PRKAR2B: variants seen among roughly 807,000 people sequenced by gnomAD.
PRKAR2B encodes the protein protein kinase cAMP-dependent type II regulatory subunit beta, also known as cAMP-dependent protein kinase type II-beta regulatory subunit.
Under a neutral mutation model 49.9 loss-of-function variants are expected in PRKAR2B, and 14 were observed. The observed-to-expected ratio is 0.28, with a 90% CI of 0.19 to 0.44. The LOEUF (loss-of-function observed/expected upper bound fraction) is 0.44. Ranked by LOEUF, PRKAR2B falls within the 20% of genes least tolerant of loss-of-function variation. PRKAR2B has a pLI of 1.00. For synonymous variants in PRKAR2B, 196 were observed against 197.7 expected (o/e 0.99, Z 0.07); for missense variants, 393 against 537.9 (o/e 0.73, Z 2.67).
chr7:107,138,199 T>C (rs1795732284), intron 4 of PRKAR2B, among the ~76,000 whole-genome samples: 2 of 152,190 alleles, frequency 1.3e-5, no homozygotes, highest in Non-Finnish European at 2.9e-5. Context: ...ACCCATAGAA[T>C]GTACAACACC....
intron 2 of PRKAR2B, among the ~76,000 whole-genome samples, chr7:107,093,652 C>A (rs1232007376): frequency 6.7e-6 from 1 of 149,828 alleles, no homozygotes. Flanking sequence ...CTAATGCTAT[C>A]TCTCGCCCCT....
rs193248499 is a variant in PRKAR2B, at chr7:107,158,263, A to G, written c.1123+939A>G. Among the ~76,000 whole-genome samples the G allele has an allele frequency of 3.8e-3, 430 of 113,622 alleles. 3 individuals carry two copies. Among genetic ancestry groups the G allele is most frequent in the Middle Eastern group, 9.4e-3 (2 of 212 alleles). The allele number at this position is 113,622 out of a possible 152,430, so 74.5% of individuals were successfully genotyped here. Reference sequence around the variant, plus strand: ...GTGAGTGAGTGAAAGTCTATTAGAAAGAGTAAAGGTGAGTGAGTGAAAGTC... The same window carrying G: ...GTGAGTGAGTGAAAGTCTATTAGAAGGAGTAAAGGTGAGTGAGTGAAAGTC... On this transcript the variant is annotated intron_variant, in intron 10 of 10. Transcript: ENST00000265717.
chr7:107,144,206 C>T (rs1356795013), intron 5 of PRKAR2B, among the ~76,000 whole-genome samples: 8 of 151,858 alleles, frequency 5.3e-5, no homozygotes, highest in Non-Finnish European at 7.4e-5. Flanking sequence ...CTTCCTCAAC[C>T]TCCCGAGTAG....
intron 2 of PRKAR2B, among the ~76,000 whole-genome samples, chr7:107,092,262 TGTGTGTGC>T (rs1337621277): frequency 6.7e-6 from 1 of 149,000 alleles, no homozygotes; most frequent in African/African-American, 2.5e-5. Flanking sequence ...TGTGTGTGTG[TGTGTGTGC>T]GTGTGTCTGT....
intron 2 of PRKAR2B, among the ~76,000 whole-genome samples, chr7:107,119,950 A>G (rs755680513): frequency 6.6e-6 from 1 of 152,190 alleles, no homozygotes; most frequent in African/African-American, 2.4e-5. Context: ...CAAAGCAGTC[A>G]TGTGTAGAAT....
intron 2 of PRKAR2B, among the ~76,000 whole-genome samples, chr7:107,087,877 T>C (rs2116796287): frequency 6.6e-6 from 1 of 152,304 alleles, no homozygotes; most frequent in Admixed American, 6.5e-5. Context: ...ACATCCCACA[T>C]ATGATAAAGT....
intron 1 of PRKAR2B, among the ~76,000 whole-genome samples, chr7:107,063,977 A>G (rs1181678436): frequency 6.6e-6 from 1 of 152,188 alleles, no homozygotes; most frequent in African/African-American, 2.4e-5. Flanking sequence ...GACTTAAAAG[A>G]GACAGTTTTG....
At chr7:107,055,286 T>C (rs1298224813) in intron 1 of PRKAR2B, among the ~76,000 whole-genome samples, 6 of 152,224 alleles carry the variant, frequency 3.9e-5, no homozygotes, top group Non-Finnish European at 7.3e-5. Context: ...TGTGCATGTG[T>C]CTTTATAGCA....
chr7:107,141,455 C>T (rs1479672484), intron 5 of PRKAR2B, among the ~76,000 whole-genome samples: 2 of 152,170 alleles, frequency 1.3e-5, no homozygotes, highest in Admixed American at 6.5e-5. Flanking sequence ...CTTTGGGAAG[C>T]CGAGGCCAGT....
chr7:107,128,129 T>A, intron 3 of PRKAR2B, 83 bp from the exon 4 acceptor site: 1 of 898,258 alleles, frequency 1.1e-6, no homozygotes, highest in South Asian at 1.6e-5. Flanking sequence ...ATGTTGGTTC[T>A]GATTTTTGTT....
chr7:107,092,044 A>G (rs1240511547), intron 2 of PRKAR2B, among the ~76,000 whole-genome samples: 1 of 152,162 alleles, frequency 6.6e-6, no homozygotes, highest in Non-Finnish European at 1.5e-5. Context: ...ATAAATTTCC[A>G]ATTCAGCAAA....
chr7:107,118,817 A>G (rs1380490771), intron 2 of PRKAR2B, among the ~76,000 whole-genome samples: 1 of 152,220 alleles, frequency 6.6e-6, no homozygotes, highest in African/African-American at 2.4e-5. Context: ...AGTGTTGATA[A>G]GGAGCTTTAT....
intron 2 of PRKAR2B, among the ~76,000 whole-genome samples, chr7:107,111,052 A>G (rs1562860394): frequency 1.3e-5 from 2 of 152,142 alleles, no homozygotes; most frequent in Non-Finnish European, 2.9e-5. Flanking sequence ...GCCCAAAGGG[A>G]GCATCCCACG....
chr7:107,053,505 C>G (rs564609914), intron 1 of PRKAR2B, among the ~76,000 whole-genome samples: 2 of 149,472 alleles, frequency 1.3e-5, no homozygotes, highest in Admixed American at 1.3e-4. Context: ...TTCCCTGATT[C>G]AAGCTTCTAG....
At chr7:107,052,146 G>A (rs2041525) in intron 1 of PRKAR2B, among the ~76,000 whole-genome samples, 10,754 of 152,146 alleles carry the variant, frequency 0.071, 533 homozygotes, top group South Asian at 0.18. Context: ...GGCCGGGCAC[G>A]GTGGCTCATG....
intron 2 of PRKAR2B, among the ~76,000 whole-genome samples, chr7:107,116,117 A>G (rs1377089023): frequency 6.6e-6 from 1 of 152,226 alleles, no homozygotes; most frequent in Non-Finnish European, 1.5e-5. Context: ...CTTTATGCCT[A>G]AGGTTAAGGA....
intron 1 of PRKAR2B, among the ~76,000 whole-genome samples, chr7:107,064,556 A>T (rs970667067): frequency 3.3e-5 from 5 of 152,190 alleles, no homozygotes; most frequent in Non-Finnish European, 7.3e-5. Context: ...GTTATGTCTC[A>T]TAAGAAGTGC....
chr7:107,139,512 C>T (rs1321749065), intron 4 of PRKAR2B, among the ~76,000 whole-genome samples: 3 of 152,084 alleles, frequency 2.0e-5, no homozygotes, highest in Non-Finnish European at 2.9e-5. Flanking sequence ...TAAATCAGTC[C>T]GCTTGTCTTT....
intron 6 of PRKAR2B, among the ~76,000 whole-genome samples, chr7:107,148,704 C>T (rs1260403544): frequency 1.3e-5 from 2 of 152,064 alleles, no homozygotes; most frequent in Non-Finnish European, 2.9e-5. Flanking sequence ...TGGAGGTCTG[C>T]CTTATAAATA....
Sources: allele counts gnomAD v4.1 joint callset (sites outside exome capture counted in the v4.1 genomes callset), GRCh38; gene constraint gnomAD v4.1.1; transcripts MANE v1.5; gene names NCBI Gene and HGNC (gene_info 2026-07-23, HGNC 2026-07-21).